Variants in SV2C observed in about 807,000 individuals in gnomAD.
SV2C encodes the protein synaptic vesicle glycoprotein 2C.
Under a neutral mutation model 79.7 loss-of-function variants are expected in SV2C, and 49 were observed. That is an observed-to-expected ratio of 0.61 (90% CI 0.49 to 0.78). The LOEUF (loss-of-function observed/expected upper bound fraction) is 0.78, where lower values mean the gene tolerates loss of function less well. Ranked by LOEUF, SV2C falls within the 30% of genes least tolerant of loss-of-function variation. The pLI is 0.00. For missense variants in SV2C, 833 were observed against 912.9 expected, an observed-to-expected ratio of 0.91 and a Z score of 1.13; for synonymous variants, 334 against 333.2, an observed-to-expected ratio of 1.00 and a Z score of -0.03.
chr5:76,008,770 C>G, the SV2C span, among the ~76,000 whole-genome samples: 1 of 152,110 alleles, frequency 6.6e-6, no homozygotes, highest in African/African-American at 2.4e-5. Flanking sequence ...TTTCACTTAT[C>G]CAATCTAAAC....
intron 3 of SV2C, among the ~76,000 whole-genome samples, chr5:76,199,616 C>A (rs372564290): frequency 1.1e-4 from 16 of 152,250 alleles, no homozygotes; most frequent in South Asian, 2.1e-4. Context: ...TCTTGTTCAA[C>A]ATTGCTTAAT....
chr5:76,346,730 G>C (rs74379830), intron 12 of SV2C, among the ~76,000 whole-genome samples: 2,668 of 152,268 alleles, frequency 0.018, 74 homozygotes, highest in African/African-American at 0.061. Flanking sequence ...ACTCATGTTT[G>C]TTGAATGAAT....
At chr5:76,271,616 C>CTTTTTTTT (rs34458409) in intron 4 of SV2C, among the ~76,000 whole-genome samples, 3,307 of 96,024 alleles carry the variant, frequency 0.034, 3 homozygotes, top group Non-Finnish European at 0.042. Flanking sequence ...AGCATGTGTT[C>CTTTTTTTT]TTTTTTTTTT....
At chr5:76,306,332 A>C (rs1748194630) in intron 12 of SV2C, among the ~76,000 whole-genome samples, 1 of 152,132 alleles carries the variant, frequency 6.6e-6, no homozygotes, top group Admixed American at 6.5e-5. Context: ...CTGGTATTAT[A>C]GGTATGACCC....
At chr5:76,067,322 C>T in the SV2C span, among the ~76,000 whole-genome samples, 2,692 of 151,724 alleles carry the variant, frequency 0.018, 41 homozygotes, top group South Asian at 0.049. Context: ...ATATTTGTCA[C>T]GAATATTTTC....
At chr5:76,166,048 G>T (rs13186671) in intron 2 of SV2C, among the ~76,000 whole-genome samples, 1 of 152,072 alleles carries the variant, frequency 6.6e-6, no homozygotes, top group East Asian at 1.9e-4. Context: ...TGTTCCCTCC[G>T]CCTGTCCCTG....
the SV2C span, among the ~76,000 whole-genome samples, chr5:76,051,770 G>C: frequency 6.6e-6 from 1 of 152,038 alleles, no homozygotes; most frequent in African/African-American, 2.4e-5. Flanking sequence ...TGGGTGGTGG[G>C]ACTAGGAATA....
chr5:75,857,252 C>T, the SV2C span, among the ~76,000 whole-genome samples: 6 of 151,954 alleles, frequency 3.9e-5, no homozygotes, highest in East Asian at 1.9e-4. Context: ...CCACCGCGCC[C>T]GGCCGTCTTT....
the SV2C span, among the ~76,000 whole-genome samples, chr5:75,962,364 C>T: frequency 2.0e-5 from 3 of 151,896 alleles, no homozygotes; most frequent in Non-Finnish European, 4.4e-5. Context: ...CAGAGTTCCT[C>T]GTACATGAAA....
intron 4 of SV2C, among the ~76,000 whole-genome samples, chr5:76,239,277 G>A (rs1011689032): frequency 6.6e-6 from 1 of 152,114 alleles, no homozygotes; most frequent in Non-Finnish European, 1.5e-5. Flanking sequence ...ATGACAGAAT[G>A]ATATTTAGTC....
chr5:76,309,856 C>T (rs1486158828), intron 12 of SV2C, among the ~76,000 whole-genome samples: 2 of 152,076 alleles, frequency 1.3e-5, no homozygotes, highest in Non-Finnish European at 2.9e-5. Flanking sequence ...TGCAGGAGCA[C>T]AATGGCATTT....
At position 76,331,473 on chromosome 5, in the gene SV2C, A is replaced by G. The variant is rs1452264893; in HGVS notation, c.*5926A>G. 1 of 152,084 alleles carries G rather than the reference A, an allele frequency of 6.6e-6. No homozygotes were observed. The highest frequency in any genetic ancestry group is 1.5e-5 in the Non-Finnish European group (1 of 68,050). The allele number at this position is 152,084 out of a possible 1,614,324, so 9.4% of individuals were successfully genotyped here. A position where few individuals can be genotyped will look rare whatever the true frequency, so the allele number is the denominator to read the frequency against. ...GGGGTATTTTGGGTTTCAGTTTAAA[A>G]CTGGTGCGTGTTGTTGCAAGTGTCT... On this transcript the variant is annotated 3_prime_UTR_variant, in exon 13 of 13. Transcript: ENST00000502798.
At chr5:76,260,327 A>G (rs1189107624) in intron 4 of SV2C, among the ~76,000 whole-genome samples, 3 of 152,206 alleles carry the variant, frequency 2.0e-5, no homozygotes, top group African/African-American at 7.2e-5. Context: ...AGTTCCTTAT[A>G]GATTCTGCAT....
intron 6 of SV2C, among the ~76,000 whole-genome samples, chr5:76,290,730 G>A (rs1042545831): frequency 6.6e-6 from 1 of 152,226 alleles, no homozygotes; most frequent in African/African-American, 2.4e-5. Context: ...GGGTTAGGCT[G>A]TGGGAGAAGG....
chr5:75,949,854 G>T, the SV2C span, among the ~76,000 whole-genome samples: 1 of 152,038 alleles, frequency 6.6e-6, no homozygotes, highest in African/African-American at 2.4e-5. Flanking sequence ...CAAAGTGATT[G>T]TGGTGGAGGT....
At chr5:76,099,364 T>TTGTG (rs1561214666) in intron 1 of SV2C, among the ~76,000 whole-genome samples, 1 of 104,058 alleles carries the variant, frequency 9.6e-6, no homozygotes, top group Non-Finnish European at 1.9e-5. Context: ...TTTCTTTTGC[T>TTGTG]CGTGTGTGTG....
chr5:76,177,462 CAAT>C (rs1403687115), intron 2 of SV2C, among the ~76,000 whole-genome samples: 31 of 151,732 alleles, frequency 2.0e-4, no homozygotes, highest in Non-Finnish European at 3.1e-4. Flanking sequence ...ATATTAATAA[CAAT>C]AACTGATAAT....
At chr5:75,971,701 C>A in the SV2C span, among the ~76,000 whole-genome samples, 1 of 152,166 alleles carries the variant, frequency 6.6e-6, no homozygotes, top group African/African-American at 2.4e-5. Flanking sequence ...CAAGAACATT[C>A]CAAGCTCATG....
chr5:76,299,004 G>T lies in SV2C; in HGVS notation c.1636+77G>T, dbSNP rs1241105014. ...ACTGTGATAACCATGTGATAATGTG[G>T]GCAGAGGCTTATGCGGGAAGTGGAT... On this transcript the variant is annotated intron_variant, in intron 10 of 12. Coordinates refer to ENST00000502798, the MANE Select transcript of SV2C (RefSeq NM_014979.4). 3.3e-6 allele frequency: 5 copies of T among 1,497,630 alleles called. No individual in the cohort carries two copies. The East Asian group carries it at 1.1e-4, about 34-fold the overall frequency. The allele number at this position is 1,497,630 out of a possible 1,614,324, so 92.8% of individuals were successfully genotyped here.
Sources: gnomAD v4.1 joint callset for allele counts (sites outside exome capture counted in the v4.1 genomes callset) on GRCh38, gnomAD v4.1.1 for gene constraint, MANE v1.5 for transcripts, NCBI Gene and HGNC (gene_info 2026-07-23, HGNC 2026-07-21) for gene names.